The following SLC66A2 variants were observed in gnomAD, a reference collection of about 807,000 sequenced individuals.
SLC66A2 encodes solute carrier family 66 member 2, also known as PQ loop repeat containing 1.
In SLC66A2, 23 loss-of-function variants were observed where a neutral mutation model predicts 25.5. The ratio of observed to expected loss-of-function variants is 0.90; its 90% CI spans 0.65 to 1.28. The LOEUF is 1.28. Ranked by LOEUF, SLC66A2 falls within the 50% of genes most tolerant of loss-of-function variation. The pLI, the probability that SLC66A2 is intolerant of heterozygous loss-of-function variation, is 0.00. For missense variants in SLC66A2, 396 were observed against 373.1 expected, an observed-to-expected ratio of 1.06 and a Z score of -0.51; for synonymous variants, 193 against 166.5, an observed-to-expected ratio of 1.16 and a Z score of -1.23.
chr18:79,903,932 C>T lies in SLC66A2; in HGVS notation c.*44G>A. 6.5e-7 allele frequency: 1 copy of T among 1,543,834 alleles called. No homozygotes were observed. The highest frequency in any genetic ancestry group is 8.7e-7 in the Non-Finnish European group (1 of 1,143,592). On this transcript the variant is annotated 3_prime_UTR_variant, in exon 6 of 6. Transcript: ENST00000397778. ...TCCCCGCGGGGAGGTCAGGGCCCAC[C>T]AGTGCCCGCGGCTGGCGGTCCCACA...
chr18:79,914,455 G>C (rs867106789), intron 5 of SLC66A2, among the ~76,000 whole-genome samples: 1 of 152,174 alleles, frequency 6.6e-6, no homozygotes, highest in South Asian at 2.1e-4. Flanking sequence ...CAGATGGGGG[G>C]TGGTCTGACA....
chr18:79,935,190 A>G (rs1986957729), intron 3 of SLC66A2: 1 of 152,186 alleles, frequency 6.6e-6, no homozygotes, highest in Admixed American at 6.5e-5. Flanking sequence ...TTCCCTTCTC[A>G]CATCCAGGTG....
Position 79,950,885 on chromosome 18 carries a change from G to T in SLC66A2, c.42C>A (p.His14Gln), listed in dbSNP as rs756555931. Residue 14 changes from histidine (H) to glutamine (Q), a missense_variant, in exon 2 of 6, where the codon CAC (histidine) becomes CAA (glutamine). Coordinates refer to ENST00000397778, the MANE Select transcript of SLC66A2 (RefSeq NM_025078.5). ...CGGCCGCGCCCCAGGACACCAGCTGGTGCAGTGGCACCAGGAGCCAGTCCA... is the reference window on the plus strand; with the variant it reads ...CGGCCGCGCCCCAGGACACCAGCTGTTGCAGTGGCACCAGGAGCCAGTCCA... ...EGLDWLLVPL[H>Q]QLVSWGAAAA... The T allele has an allele frequency of 1.2e-6, 2 of 1,601,590 alleles. No homozygotes were observed.
chr18:79,916,128 C>G lies in SLC66A2; in HGVS notation c.608+3056G>C, dbSNP rs1241581372. ...CGCAGTGCTCCCGTACCCTCCCATACCCACGGTGCTCCCGTACCCGCGGCG... is the reference window on the plus strand; with the variant it reads ...CGCAGTGCTCCCGTACCCTCCCATAGCCACGGTGCTCCCGTACCCGCGGCG... On this transcript the variant is annotated intron_variant, in intron 5 of 5. Transcript: ENST00000397778. Among the ~76,000 whole-genome samples, 181 of 108,590 alleles carry G rather than the reference C, an allele frequency of 1.7e-3. 3 individuals carry two copies. Among genetic ancestry groups the G allele is most frequent in the Middle Eastern group, 0.014 (2 of 148 alleles). 71.2% of individuals were successfully genotyped at this position (108,590 alleles called of 152,430 possible). A position where few individuals can be genotyped will look rare whatever the true frequency, so the allele number is the denominator to read the frequency against.
rs68180537 is a variant in SLC66A2, at chr18:79,919,931, CA to C, written c.392-532del. 3.8e-3 allele frequency among the ~76,000 whole-genome samples: 12 copies of C among 3,192 alleles called. 1 individual carries two copies. The highest frequency in any genetic ancestry group is 4.3e-3 in the African/African-American group (12 of 2,806). The allele number at this position is 3,192 out of a possible 152,430, so 2.1% of individuals were successfully genotyped here. ...AGAGGTCAAGGTCAGTGGGGAGAGACAGGAACCGAGGGAGAGGTCAAGGTCA... is the reference window on the plus strand; with the variant it reads ...AGAGGTCAAGGTCAGTGGGGAGAGACGGAACCGAGGGAGAGGTCAAGGTCA... On this transcript the variant is annotated intron_variant, in intron 4 of 5. Coordinates refer to ENST00000397778, the MANE Select transcript of SLC66A2 (RefSeq NM_025078.5).
intron 5 of SLC66A2, among the ~76,000 whole-genome samples, chr18:79,911,880 GAGGGGACAGGAGCAGGA>G (rs1394495034): frequency 6.2e-5 from 8 of 128,638 alleles, no homozygotes; most frequent in African/African-American, 9.1e-5. Flanking sequence ...TGGCAGCAGG[GAGGGGACAGGAGCAGGA>G]AGGGGACAGG....
chr18:79,924,819 G>A (rs1985736712), intron 4 of SLC66A2: 1 of 152,218 alleles, frequency 6.6e-6, no homozygotes, highest in Admixed American at 6.5e-5. Flanking sequence ...TGGGAATTAA[G>A]GTGCTGTCAT....
intron 2 of SLC66A2, 115 bp downstream of exon 2, chr18:79,950,609 A>T: frequency 1.0e-6 from 1 of 953,782 alleles, no homozygotes; most frequent in Non-Finnish European, 1.6e-6. Context: ...GCAGAGTGGG[A>T]CGCTGGCCCA....
Position 79,918,243 on chromosome 18 carries a change from G to A in SLC66A2, c.608+941C>T, listed in dbSNP as rs185125918. Among the ~76,000 whole-genome samples, 2 of 152,192 alleles carry A rather than the reference G, an allele frequency of 1.3e-5. No homozygotes were observed. The highest frequency in any genetic ancestry group is 2.4e-5 in the African/African-American group (1 of 41,448). ...CACCCGTTCTCCAACACAAAAACGC[G>A]TCAGCCCCTCTCTTCCAGGCTGTTT... On this transcript the variant is annotated intron_variant, in intron 5 of 5. Transcript: ENST00000397778. The surrounding 1 kb of genome is among the most constrained non-coding windows in gnomAD (Gnocchi z 4.0).
rs1235471939 is a variant in SLC66A2, at chr18:79,951,619, G to C, written c.-138C>G. 6.6e-6 allele frequency: 1 copy of C among 151,456 alleles called. No homozygotes were observed. Among genetic ancestry groups the C allele is most frequent in the Admixed American group, 6.6e-5 (1 of 15,142 alleles). 9.4% of individuals were successfully genotyped at this position (151,456 alleles called of 1,614,324 possible). On this transcript the variant is annotated 5_prime_UTR_variant, in exon 1 of 6. Coordinates refer to ENST00000397778, the MANE Select transcript of SLC66A2 (RefSeq NM_025078.5). ...CCCGCGCCCAGCGCCCCGCGTCCCC[G>C]CGCCGCTGACCCGCGCGCGTCTCGG...
In SLC66A2 at chr18:79,918,606, G is replaced by A. The variant is rs1228039224; in HGVS notation, c.608+578C>T. On this transcript the variant is annotated intron_variant, in intron 5 of 5. Transcript: ENST00000397778. This position sits in a 1 kb window ranked among gnomAD's most constrained non-coding sequence, Gnocchi z 4.0. The stretch of plus-strand genomic sequence containing the variant: ...AGTTTCCATCCAGGACCTTGACTGA[G>A]CCCGTGGGCATCATGCTGCTCGCGT... Among the ~76,000 whole-genome samples the A allele has an allele frequency of 1.3e-5, 2 of 152,258 alleles. No homozygotes were observed. The highest frequency in any genetic ancestry group is 2.9e-5 in the Non-Finnish European group (2 of 68,044).
intron 2 of SLC66A2, among the ~76,000 whole-genome samples, chr18:79,944,841 C>A (rs891806527): frequency 5.9e-5 from 9 of 151,958 alleles, no homozygotes; most frequent in Non-Finnish European, 1.3e-4. Flanking sequence ...CCCCTTAACA[C>A]GAAGCAGAAG....
intron 4 of SLC66A2, among the ~76,000 whole-genome samples, chr18:79,933,042 A>G (rs1238804328): frequency 1.3e-5 from 2 of 152,228 alleles, no homozygotes; most frequent in Admixed American, 6.5e-5. Context: ...GATACAAAAA[A>G]TCCCCAATAC....
At position 79,928,570 on chromosome 18, in the gene SLC66A2, G is replaced by T. The variant is rs183129309; in HGVS notation, c.391+5399C>A. ...TCCCTAACGTGTCTTAGGGACACAC[G>T]GCGAATGGAGAAACGCTTATCCAAG... On this transcript the variant is annotated intron_variant, in intron 4 of 5. Coordinates refer to ENST00000397778, the MANE Select transcript of SLC66A2 (RefSeq NM_025078.5). Among the ~76,000 whole-genome samples the T allele has an allele frequency of 4.8e-4, 73 of 152,210 alleles. 2 individuals carry two copies. The East Asian group carries it at 9.8e-3, about 21-fold the overall frequency.
intron 4 of SLC66A2, among the ~76,000 whole-genome samples, chr18:79,928,346 T>A (rs547665459): frequency 1.5e-4 from 23 of 152,216 alleles, no homozygotes; most frequent in Non-Finnish European, 2.8e-4. Context: ...TTACTCAATG[T>A]AGCCATTGAA....
rs1431615414 is a variant in SLC66A2, at chr18:79,927,147, C to A, written c.391+6822G>T. Among the ~76,000 whole-genome samples the A allele has an allele frequency of 1.3e-5, 2 of 152,260 alleles. No homozygotes were observed. The highest frequency in any genetic ancestry group is 4.8e-5 in the African/African-American group (2 of 41,474). ...ACCTGCTGCGTCTGCTTCTCCACCCCACTCCAGCTGAGCAGGCAGAGCCTG... is the reference window on the plus strand; with the variant it reads ...ACCTGCTGCGTCTGCTTCTCCACCCAACTCCAGCTGAGCAGGCAGAGCCTG... On this transcript the variant is annotated intron_variant, in intron 4 of 5. Transcript: ENST00000397778. The surrounding 1 kb of genome is among the most constrained non-coding windows in gnomAD (Gnocchi z 6.2).
intron 2 of SLC66A2, among the ~76,000 whole-genome samples, chr18:79,948,025 G>A (rs1177407557): frequency 2.6e-5 from 4 of 152,228 alleles, no homozygotes; most frequent in African/African-American, 7.2e-5. Context: ...TGCTCTCCCC[G>A]CTTTCATCCC....
chr18:79,948,008 C>A (rs1488364063), intron 2 of SLC66A2, among the ~76,000 whole-genome samples: 4 of 152,168 alleles, frequency 2.6e-5, no homozygotes, highest in Non-Finnish European at 5.9e-5. Context: ...CAGGAACGAG[C>A]GCCCTCTGCT....
At chr18:79,931,065 AT>A (rs1432470342) in intron 4 of SLC66A2, among the ~76,000 whole-genome samples, 1 of 152,252 alleles carries the variant, frequency 6.6e-6, no homozygotes, top group Non-Finnish European at 1.5e-5. Flanking sequence ...TACTAAGAAA[AT>A]AATTCAGAAA....
Sources: allele counts gnomAD v4.1 joint callset (sites outside exome capture counted in the v4.1 genomes callset), GRCh38; gene constraint gnomAD v4.1.1; non-coding constraint Gnocchi (gnomAD v3.1); transcripts MANE v1.5; gene names NCBI Gene and HGNC (gene_info 2026-07-23, HGNC 2026-07-21).